Variants in XPO7 observed in about 807,000 individuals in gnomAD.
XPO7 encodes the protein exportin 7, also known as exportin-7.
A neutral mutation model predicts 144.3 loss-of-function variants in XPO7; 21 were observed. The observed-to-expected ratio is 0.15, with a 90% CI of 0.10 to 0.21. The LOEUF (loss-of-function observed/expected upper bound fraction) is 0.21, where lower values mean the gene tolerates loss of function less well. Ranked by LOEUF, XPO7 falls within the 10% of genes least tolerant of loss-of-function variation. The pLI is 1.00. For missense variants in XPO7, 808 were observed against 1,325.8 expected, an observed-to-expected ratio of 0.61 and a Z score of 6.06; for synonymous variants, 580 against 499.6, an observed-to-expected ratio of 1.16 and a Z score of -2.15.
intron 1 of XPO7, among the ~76,000 whole-genome samples, chr8:21,933,525 A>G (rs1187927615): frequency 6.6e-6 from 1 of 152,198 alleles, no homozygotes; most frequent in Non-Finnish European, 1.5e-5. Flanking sequence ...TCCTGAGTAC[A>G]TGTACAAGTC....
chr8:21,999,355 CT>C, intron 23 of XPO7, 50 bp downstream of exon 23: 1 of 1,604,022 alleles, frequency 6.2e-7, no homozygotes, highest in Non-Finnish European at 8.5e-7. Flanking sequence ...CACATTCAGC[CT>C]TTTTCACCTG....
At chr8:21,934,528 C>T (rs1329584018) in intron 1 of XPO7, among the ~76,000 whole-genome samples, 2 of 150,590 alleles carry the variant, frequency 1.3e-5, no homozygotes, top group African/African-American at 4.9e-5. Flanking sequence ...AGCGAAACTC[C>T]GTCTCAAAAA....
rs186784335 is a variant in XPO7 at position 21,969,722 on chromosome 8, T to G, written c.259+146T>G. 46 of 829,404 alleles carry G rather than the reference T, an allele frequency of 5.5e-5. No individual in the cohort carries two copies. The African/African-American group carries it at 7.2e-4, about 13-fold the overall frequency. The allele number at this position is 829,404 out of a possible 1,614,324, so 51.4% of individuals were successfully genotyped here. ...CTAGAATCCAGTTCGTTTCCAGAATTTGGGGCTTATGAAAGTGAAGGGCCC... is the reference window on the plus strand; with the variant it reads ...CTAGAATCCAGTTCGTTTCCAGAATGTGGGGCTTATGAAAGTGAAGGGCCC... On this transcript the variant is annotated intron_variant, in intron 3 of 27. Transcript: ENST00000252512.
At chr8:21,930,397 A>T (rs1422237828) in intron 1 of XPO7, among the ~76,000 whole-genome samples, 1 of 152,184 alleles carries the variant, frequency 6.6e-6, no homozygotes, top group Non-Finnish European at 1.5e-5. Context: ...TATGCCAATA[A>T]GGGTTATAGA....
chr8:21,944,578 T>C (rs763700073), intron 1 of XPO7, among the ~76,000 whole-genome samples: 2 of 151,986 alleles, frequency 1.3e-5, no homozygotes, highest in Admixed American at 6.6e-5. Flanking sequence ...GAAATAATAA[T>C]AAAATAAAAT....
chr8:21,952,866 C>T (rs11785043), intron 1 of XPO7, among the ~76,000 whole-genome samples: 87,650 of 152,034 alleles, frequency 0.58, 26,039 homozygotes, highest in African/African-American at 0.73. Flanking sequence ...AACTAGCCAG[C>T]ATTAAGATCA....
chr8:21,994,323 C>A, intron 19 of XPO7, 40 bp from the exon 20 acceptor site: 1 of 1,528,490 alleles, frequency 6.5e-7, no homozygotes, highest in Non-Finnish European at 9.0e-7. Context: ...ACAGTTTTGT[C>A]TTTTCTTCTA....
chr8:21,960,479 C>T (rs147543687), intron 1 of XPO7, among the ~76,000 whole-genome samples: 1 of 152,216 alleles, frequency 6.6e-6, no homozygotes, highest in East Asian at 1.9e-4. Context: ...CTATTTACTT[C>T]ATGAAATAAT....
chr8:21,944,190 C>T (rs942864894), intron 1 of XPO7, among the ~76,000 whole-genome samples: 2 of 152,142 alleles, frequency 1.3e-5, no homozygotes, highest in African/African-American at 2.4e-5. Context: ...ATGAGCTTTT[C>T]CTGTATCAGT....
chr8:21,984,362 G>T (rs1340441197), intron 11 of XPO7, among the ~76,000 whole-genome samples: 1 of 152,136 alleles, frequency 6.6e-6, no homozygotes, highest in Non-Finnish European at 1.5e-5. Context: ...CAGTTGAGAA[G>T]GGCAGGACTT....
intron 11 of XPO7, 34 bp downstream of exon 11, chr8:21,982,846 AGTG>A (rs1007924399): frequency 6.4e-7 from 1 of 1,562,708 alleles, no homozygotes; most frequent in Non-Finnish European, 8.6e-7. Flanking sequence ...TTCCCGCACC[AGTG>A]GCCTGTTGTC....
At chr8:21,977,503 G>A (rs1021744719) in intron 7 of XPO7, among the ~76,000 whole-genome samples, 5 of 152,074 alleles carry the variant, frequency 3.3e-5, no homozygotes, top group Non-Finnish European at 4.4e-5. Context: ...CCTTTAAACC[G>A]GGACCTGGGA....
At chr8:21,928,243 T>A (rs544060592) in intron 1 of XPO7, among the ~76,000 whole-genome samples, 51 of 152,268 alleles carry the variant, frequency 3.3e-4, no homozygotes, top group Non-Finnish European at 6.5e-4. Context: ...AGATTGATTC[T>A]CATTGTTGCA....
At chr8:21,978,692 T>G (rs1369290556) in intron 8 of XPO7, among the ~76,000 whole-genome samples, 1 of 151,910 alleles carries the variant, frequency 6.6e-6, no homozygotes, top group African/African-American at 2.4e-5. Context: ...CTGGCAGTAG[T>G]GGGGAGCCTC....
At position 22,001,228 on chromosome 8, in the gene XPO7, C is replaced by A. The variant is rs542967335; in HGVS notation, c.2783-884C>A. Among the ~76,000 whole-genome samples the A allele has an allele frequency of 3.3e-5, 5 of 152,020 alleles. No homozygotes were observed. In the East Asian group the frequency reaches 9.7e-4, roughly 29 times the overall value. ...GGCTGAGGCAGAAGAATCACTTGAA[C>A]CCGGGAAGTAGAAGCTGTGGTGAGC... On this transcript the variant is annotated intron_variant, in intron 24 of 27. Transcript: ENST00000252512.
At chr8:21,998,285 C>CA (rs1208391095) in intron 21 of XPO7, among the ~76,000 whole-genome samples, 3 of 152,042 alleles carry the variant, frequency 2.0e-5, no homozygotes, top group Non-Finnish European at 4.4e-5. Flanking sequence ...ACTAAAAATA[C>CA]AAAAAATTAG....
chr8:21,993,472 C>T (rs1006614553), intron 19 of XPO7, among the ~76,000 whole-genome samples: 4 of 152,190 alleles, frequency 2.6e-5, no homozygotes. Context: ...CCTTCTTGAG[C>T]ACATTTTGTT....
intron 1 of XPO7, among the ~76,000 whole-genome samples, chr8:21,944,899 A>T (rs927010252): frequency 5.3e-5 from 8 of 152,226 alleles, no homozygotes; most frequent in African/African-American, 1.9e-4. Context: ...GACACAGCAC[A>T]TGTTTCAGAG....
At chr8:21,925,985 A>C (rs1810446984) in intron 1 of XPO7, among the ~76,000 whole-genome samples, 1 of 152,174 alleles carries the variant, frequency 6.6e-6, no homozygotes, top group Non-Finnish European at 1.5e-5. Flanking sequence ...TGCCCCAAAC[A>C]GTAACGAAAG....
Sources: gnomAD v4.1 joint callset for allele counts (sites outside exome capture counted in the v4.1 genomes callset) on GRCh38, gnomAD v4.1.1 for gene constraint, MANE v1.5 for transcripts, NCBI Gene and HGNC (gene_info 2026-07-23, HGNC 2026-07-21) for gene names.